The following CIITA variants were observed in gnomAD, a reference collection of about 807,000 sequenced individuals.
CIITA encodes the protein class II major histocompatibility complex transactivator, also known as MHC class II transactivator.
In CIITA, 72 loss-of-function variants were observed where a neutral mutation model predicts 115.1. The ratio of observed to expected loss-of-function variants is 0.63; its 90% confidence interval spans 0.52 to 0.76. CIITA has a LOEUF of 0.76. Ranked by LOEUF, CIITA falls within the 30% of genes least tolerant of loss-of-function variation. CIITA has a pLI of 0.00. For synonymous variants in CIITA, 763 were observed against 635.6 expected, an observed-to-expected ratio of 1.20 and a Z score of -3.02; for missense variants, 1,617 against 1,463.8, an observed-to-expected ratio of 1.10 and a Z score of -1.71.
chr16:10,890,032 A>G (rs2037390435), intron 1 of CIITA, among the ~76,000 whole-genome samples: 3 of 152,186 alleles, frequency 2.0e-5, no homozygotes. Context: ...ATGGAGGCAG[A>G]AGTCCACTGT....
At position 10,907,810 on chromosome 16, in the gene CIITA, T is replaced by C. The variant is rs1337409353; in HGVS notation, c.2318T>C (p.Leu773Pro). 2 of 1,614,032 alleles carry C rather than the reference T, an allele frequency of 1.2e-6. No homozygotes were observed. Among genetic ancestry groups the C allele is most frequent in the South Asian group, 1.1e-5 (1 of 91,072 alleles). ...CCTCCCGCCCGCTGCCTGGGAGCCC[T>C]ACTCGGGCCATCGGCGGCTGCCTCG... ...FQPPARCLGA[L>P]LGPSAAASVD... Residue 773 changes from leucine (L) to proline (P), a missense_variant, in exon 11 of 20, where the codon CTA becomes CCA. Physicochemically the swap from Leu to Pro is moderately conservative, Grantham distance 98 (BLOSUM62 -3). Transcript: ENST00000324288. The surrounding 1 kb of genome is among the most constrained non-coding windows in gnomAD (Gnocchi z 5.0).
In CIITA at chr16:10,906,676, G is replaced by A; in HGVS notation, c.1184G>A (p.Gly395Glu). ...TGGGCAGAACGGCAGCTGGCCCAAG[G>A]AGGCCTGGCTGAGGTGCTGTTGGCT... is the stretch of plus-strand genomic sequence containing the variant. ...PDWAERQLAQ[G>E]GLAEVLLAAK... Residue 395 changes from glycine to glutamate, a missense_variant, in exon 11 of 20, where the codon GGA becomes GAA. Gly to Glu is a moderately conservative substitution (Grantham distance 98, BLOSUM62 -2). Transcript: ENST00000324288. 6.2e-7 allele frequency: 1 copy of A among 1,613,346 alleles called. No individual in the cohort carries two copies. Among genetic ancestry groups the A allele is most frequent in the South Asian group, 1.1e-5 (1 of 91,078 alleles).
At position 10,929,722 on chromosome 16, in the gene CIITA, C is replaced by T. The variant is rs1233334245; in HGVS notation, c.*5867C>T. ...AGGGAACCACTGGGAGCCCCAGACT[C>T]AGGCTGAAAATGTCTTTCTGCAAAT... On this transcript the variant is annotated 3_prime_UTR_variant, in exon 20 of 20. Coordinates refer to ENST00000324288, the MANE Select transcript of CIITA (RefSeq NM_000246.4). The surrounding 1 kb of genome is among the most constrained non-coding windows in gnomAD (Gnocchi z 4.3). 1 of 203,556 alleles carries T rather than the reference C, an allele frequency of 4.9e-6. No individual in the cohort carries two copies. Among genetic ancestry groups the T allele is most frequent in the Non-Finnish European group, 8.7e-6 (1 of 115,078 alleles). 12.6% of individuals were successfully genotyped at this position (203,556 alleles called of 1,614,324 possible).
chr16:10,891,270 G>C (rs2037547434), intron 1 of CIITA, among the ~76,000 whole-genome samples: 1 of 151,794 alleles, frequency 6.6e-6, no homozygotes, highest in Admixed American at 6.6e-5. Flanking sequence ...TGGGAGTCTT[G>C]GCAGGGGGAG....
upstream of CIITA, among the ~76,000 whole-genome samples, chr16:10,875,070 G>A (rs1230574975): frequency 6.6e-6 from 1 of 152,036 alleles, no homozygotes; most frequent in African/African-American, 2.4e-5. Flanking sequence ...CCGGGTTCAT[G>A]TGATTCTCAT....
chr16:10,878,965 CCA>C (rs1336592804), intron 1 of CIITA: 1 of 223,984 alleles, frequency 4.5e-6, no homozygotes, highest in African/African-American at 2.2e-5. Context: ...GGACGAGCTG[CCA>C]CAGACTTGCC....
rs1895769428 is a variant in CIITA, at chr16:10,902,197, G to A, written c.628+13G>A. The A allele has an allele frequency of 3.7e-6, 6 of 1,614,028 alleles. No individual in the cohort carries two copies. In the African/African-American group the frequency reaches 4.0e-5, roughly 11 times the overall value. The stretch of plus-strand genomic sequence containing the variant: ...GACCAGATTCCCAGTATGTTAGGGG[G>A]CTTGGAGAGAGTGGGCTTTCTCCCT... On this transcript the variant is annotated intron_variant, in intron 7 of 19. Transcript: ENST00000324288.
At chr16:10,886,063 T>TC in intron 1 of CIITA, among the ~76,000 whole-genome samples, 1 of 151,086 alleles carries the variant, frequency 6.6e-6, no homozygotes, top group East Asian at 1.9e-4. Flanking sequence ...TTGCCTTTTT[T>TC]TTTTTTTTTT....
Position 10,929,152 on chromosome 16 carries a change from G to T in CIITA, c.*5297G>T, listed in dbSNP as rs2040663651. 1 of 937,770 alleles carries T rather than the reference G, an allele frequency of 1.1e-6. No individual in the cohort carries two copies. The highest frequency in any genetic ancestry group is 4.9e-5 in the South Asian group (1 of 20,336). The allele number at this position is 937,770 out of a possible 1,614,324, so 58.1% of individuals were successfully genotyped here. A position where few individuals can be genotyped will look rare whatever the true frequency, so the allele number is the denominator to read the frequency against. Reference sequence around the variant, plus strand: ...CTTCTTTTTCTTCTGAGTCACCCCTGAAACAGTCGCTGCATCTAAGACCAG... The same window carrying T: ...CTTCTTTTTCTTCTGAGTCACCCCTTAAACAGTCGCTGCATCTAAGACCAG... On this transcript the variant is annotated 3_prime_UTR_variant, in exon 20 of 20. Transcript: ENST00000324288. This position sits in a 1 kb window ranked among gnomAD's most constrained non-coding sequence, Gnocchi z 4.3.
intron 12 of CIITA, 148 bp from the exon 13 acceptor site, chr16:10,910,040 T>C: frequency 1.8e-6 from 1 of 545,972 alleles, no homozygotes; most frequent in Non-Finnish European, 3.2e-6. Flanking sequence ...CAGACAGATC[T>C]TTTTTTTTAA....
intron 1 of CIITA, among the ~76,000 whole-genome samples, chr16:10,871,791 C>G (rs896580638): frequency 6.6e-6 from 1 of 152,178 alleles, no homozygotes; most frequent in Non-Finnish European, 1.5e-5. Context: ...GAGGAAGACT[C>G]GTGCCTTTCA....
Position 10,907,962 on chromosome 16 carries a change from C to T in CIITA, c.2470C>T (p.His824Tyr). The change falls in exon 11 of 20, where the codon CAC (histidine) becomes TAC (tyrosine). Residue 824 changes from histidine to tyrosine, a missense_variant. Physicochemically the swap from His to Tyr is moderately conservative, Grantham distance 83. Coordinates refer to ENST00000324288, the MANE Select transcript of CIITA (RefSeq NM_000246.4). The surrounding 1 kb of genome is among the most constrained non-coding windows in gnomAD (Gnocchi z 5.0). ...HEAEEAGIWQ[H>Y]VVQELPGRLS... ...GGCCGAGGAGGCTGGAATTTGGCAG[C>T]ACGTGGTACAGGAGCTCCCCGGCCG... 13 of 1,568,250 alleles carry T rather than the reference C, an allele frequency of 8.3e-6. No individual in the cohort carries two copies. The highest frequency in any genetic ancestry group is 1.1e-5 in the Non-Finnish European group (13 of 1,157,882).
intron 5 of CIITA, among the ~76,000 whole-genome samples, chr16:10,900,475 C>G (rs2038609973): frequency 6.6e-6 from 1 of 151,918 alleles, no homozygotes; most frequent in South Asian, 2.1e-4. Flanking sequence ...CGTGGTGGCT[C>G]ACATCTGTAA....
Position 10,918,532 on chromosome 16 carries a change from TG to T in CIITA, c.3149+10del, listed in dbSNP as rs1417667688. On this transcript the variant is annotated splice_region_variant and intron_variant, in intron 16 of 19. Coordinates refer to ENST00000324288, the MANE Select transcript of CIITA (RefSeq NM_000246.4). ...GCATCCCTGCTCAGGCTAAGGTGAG[TG>T]GGGCCCCGGATACCGGTCAGGTGCT... 6 of 1,613,570 alleles carry T rather than the reference TG, an allele frequency of 3.7e-6. No homozygotes were observed. In the African/African-American group the frequency reaches 8.0e-5, roughly 22 times the overall value.
At chr16:10,922,886 T>A in intron 18 of CIITA, 1 of 495,570 alleles carries the variant, frequency 2.0e-6, no homozygotes, top group South Asian at 2.2e-5. Flanking sequence ...GGTTACTTTA[T>A]ATTCTTTCAA....
rs1320171387 is a variant in CIITA at position 10,933,438 on chromosome 16, G to A, written c.*9583G>A. ...CGCTGTCCTGCTCCTCAGGGCAAAT[G>A]CTGTGAGATCTGCATTTAGCCTGTC... is the stretch of plus-strand genomic sequence containing the variant. On this transcript the variant is annotated 3_prime_UTR_variant, in exon 20 of 20. Transcript: ENST00000324288. 1 of 152,244 alleles carries A rather than the reference G, an allele frequency of 6.6e-6. No homozygotes were observed. The highest frequency in any genetic ancestry group is 1.5e-5 in the Non-Finnish European group (1 of 68,054). 9.4% of individuals were successfully genotyped at this position (152,244 alleles called of 1,614,324 possible).
At position 10,902,717 on chromosome 16, in the gene CIITA, GT is replaced by G; in HGVS notation, c.689del (p.Val230AlafsTer76). 1 of 1,614,196 alleles carries G rather than the reference GT, an allele frequency of 6.2e-7. No homozygotes were observed. Among genetic ancestry groups the G allele is most frequent in the Non-Finnish European group, 8.5e-7 (1 of 1,180,030 alleles). On this transcript the variant is annotated frameshift_variant, in exon 8 of 20. Transcript: ENST00000324288. LOFTEE classifies it high-confidence loss of function. ...LNLPEGPIQF[V>X]PTISTLPHGL... ...TCTCCCTGAGGGACCCATCCAGTTT[GT>G]CCCCACCATCTCCACTCTGCCCCAT...
In CIITA at chr16:10,906,468, C is replaced by T. The variant is rs190232414; in HGVS notation, c.1007-31C>T. On this transcript the variant is annotated intron_variant, in intron 10 of 19. Transcript: ENST00000324288. ...GGCCCTGGCCCTGCCTCTCACATAC[C>T]CCCACCCTGACACGCCCCTGGCCTT... The T allele has an allele frequency of 1.1e-3, 1,723 of 1,610,172 alleles. 9 individuals carry two copies. The highest frequency in any genetic ancestry group is 5.4e-3 in the South Asian group (492 of 90,876).
In CIITA at chr16:10,922,431, T is replaced by C; in HGVS notation, c.3258T>C (p.Ala1086=). The change falls in exon 18 of 20, where the codon GCT becomes GCC. Residue 1086 remains alanine, a synonymous_variant. Coordinates refer to ENST00000324288, the MANE Select transcript of CIITA (RefSeq NM_000246.4). Reference sequence around the variant, plus strand: ...GCGTCCAGTACAACAAGTTCACGGCTGCCGGGGCCCAGCAGCTCGCTGCCA... The same window carrying C: ...GCGTCCAGTACAACAAGTTCACGGCCGCCGGGGCCCAGCAGCTCGCTGCCA... The part of the protein sequence containing the change: ...VMDVQYNKFT[A]AGAQQLAASL... 1 of 1,614,232 alleles carries C rather than the reference T, an allele frequency of 6.2e-7. No homozygotes were observed. The highest frequency in any genetic ancestry group is 8.5e-7 in the Non-Finnish European group (1 of 1,180,042).
Sources: gnomAD v4.1 joint callset for allele counts (sites outside exome capture counted in the v4.1 genomes callset) on GRCh38, gnomAD v4.1.1 for gene constraint, Gnocchi (gnomAD v3.1) non-coding constraint, MANE v1.5 for transcripts, NCBI Gene and HGNC (gene_info 2026-07-23, HGNC 2026-07-21) for gene names.